UNC45B: variants seen among roughly 807,000 people sequenced by gnomAD.
UNC45B encodes the protein unc-45 myosin chaperone B.
Under a neutral mutation model 98.7 loss-of-function variants are expected in UNC45B, and 78 were observed. The ratio of observed to expected loss-of-function variants is 0.79; its 90% CI spans 0.66 to 0.95. UNC45B has a LOEUF of 0.95. UNC45B is among the 40% of genes least tolerant of loss of function. The pLI, the probability that UNC45B is intolerant of heterozygous loss-of-function variation, is 0.00. For synonymous variants in UNC45B, 462 were observed against 480.4 expected (o/e 0.96, Z 0.50); for missense variants, 1,225 against 1,184.9 (o/e 1.03, Z -0.50).
At chr17:35,166,086 TAAAA>T (rs55844448) in intron 9 of UNC45B, among the ~76,000 whole-genome samples, 21 of 58,116 alleles carry the variant, frequency 3.6e-4, no homozygotes, top group African/African-American at 6.4e-4. Context: ...CCCTCATCTC[TAAAA>T]AAAAAAAAAA....
In UNC45B at chr17:35,148,365, G is replaced by C; in HGVS notation, c.102G>C (p.Lys34Asn). Residue 34 changes from lysine (K) to asparagine (N), a missense_variant, in exon 2 of 20, where the codon AAG (lysine) becomes AAC (asparagine). Lys to Asn is a moderately conservative substitution (Grantham distance 94). Transcript: ENST00000394570. ...AATNSYSQAL[K>N]LTKDKALLAT... ...CAAATAGCTACAGCCAGGCCCTGAA[G>C]CTGACCAAGGACAAGGCCCTGCTGG... 1.2e-6 allele frequency: 2 copies of C among 1,614,150 alleles called. No individual in the cohort carries two copies. The highest frequency in any genetic ancestry group is 1.7e-6 in the Non-Finnish European group (2 of 1,180,026).
intron 18 of UNC45B, among the ~76,000 whole-genome samples, chr17:35,182,170 A>G (rs1597937365): frequency 6.6e-6 from 1 of 150,602 alleles, no homozygotes; most frequent in South Asian, 2.1e-4. Context: ...GCTCACTGCA[A>G]CCTCCGCCTC....
chr17:35,165,208 A>T (rs2092130333), intron 9 of UNC45B, among the ~76,000 whole-genome samples: 1 of 152,160 alleles, frequency 6.6e-6, no homozygotes, highest in Admixed American at 6.5e-5. Context: ...GGTTGAAAGG[A>T]ACACATGTCA....
chr17:35,182,645 A>G (rs1038447271), intron 18 of UNC45B, among the ~76,000 whole-genome samples: 1 of 152,130 alleles, frequency 6.6e-6, no homozygotes, highest in Non-Finnish European at 1.5e-5. Context: ...AGAGGGGGCC[A>G]TGCTGACCCC....
chr17:35,183,409 T>C lies in UNC45B; in HGVS notation c.2374-18T>C, dbSNP rs770498401. 3.3e-6 allele frequency: 5 copies of C among 1,527,218 alleles called. No individual in the cohort carries two copies. The South Asian group carries it at 3.9e-5, about 12-fold the overall frequency. 94.6% of individuals were successfully genotyped at this position (1,527,218 alleles called of 1,614,324 possible). A position where few individuals can be genotyped will look rare whatever the true frequency, so the allele number is the denominator to read the frequency against. On this transcript the variant is annotated intron_variant, in intron 18 of 19. Coordinates refer to ENST00000394570, the MANE Select transcript of UNC45B (RefSeq NM_001267052.2). ...ATTGGGGACAGTTTTCTCTGAGCCA[T>C]GTTCCTGCCTCCCACAGGTACAGGA... is the stretch of plus-strand genomic sequence containing the variant.
intron 13 of UNC45B, among the ~76,000 whole-genome samples, chr17:35,172,272 C>T (rs932705346): frequency 6.6e-6 from 1 of 151,992 alleles, no homozygotes; most frequent in Non-Finnish European, 1.5e-5. Context: ...TTTTTTGAGA[C>T]AGAGTCTTGC....
rs540592041 is a variant in UNC45B, at chr17:35,168,936, A to C, written c.1452+575A>C. On this transcript the variant is annotated intron_variant, in intron 10 of 19. Coordinates refer to ENST00000394570, the MANE Select transcript of UNC45B (RefSeq NM_001267052.2). ...TGGCCAGGCTGGTCCTGAACTCCTGACCTCAGGTGATCCACCCCCCTGGGC... is the reference window on the plus strand; with the variant it reads ...TGGCCAGGCTGGTCCTGAACTCCTGCCCTCAGGTGATCCACCCCCCTGGGC... Among the ~76,000 whole-genome samples the C allele has an allele frequency of 2.0e-5, 3 of 150,848 alleles. No individual in the cohort carries two copies. In the South Asian group the frequency reaches 6.3e-4, roughly 32 times the overall value.
rs1481523440 is a variant in UNC45B, at chr17:35,168,136, C to T, written c.1227C>T (p.Pro409=). Residue 409 remains proline, a synonymous_variant, in exon 10 of 20, where the codon CCC becomes CCT. Transcript: ENST00000394570. Reference sequence around the variant, plus strand: ...CAGTGTCAGGGATCCTGCAGGGCCCCTTTGACCTGGGCAACCAGCTGCTGG... The same window carrying T: ...CAGTGTCAGGGATCCTGCAGGGCCCTTTTGACCTGGGCAACCAGCTGCTGG... ...IQTVSGILQG[P]FDLGNQLLGL... The T allele has an allele frequency of 6.3e-7, 1 of 1,599,670 alleles. No homozygotes were observed. The highest frequency in any genetic ancestry group is 1.1e-5 in the South Asian group (1 of 89,056).
intron 4 of UNC45B, 119 bp downstream of exon 4, chr17:35,150,342 A>G: frequency 8.9e-7 from 1 of 1,125,274 alleles, no homozygotes; most frequent in South Asian, 1.9e-5. Flanking sequence ...ACACTCTGAG[A>G]TAGAGACAGC....
chr17:35,162,201 A>C (rs907923745), intron 8 of UNC45B, among the ~76,000 whole-genome samples: 32 of 152,274 alleles, frequency 2.1e-4, no homozygotes, highest in Admixed American at 1.9e-3. Context: ...TCTGATTTAT[A>C]GTTGGCCAGT....
At chr17:35,180,304 A>G (rs532414115) in intron 17 of UNC45B, among the ~76,000 whole-genome samples, 18 of 146,446 alleles carry the variant, frequency 1.2e-4, no homozygotes, top group African/African-American at 4.0e-4. Context: ...CTTTACTGCA[A>G]TAATACAGAG....
chr17:35,167,872 T>G (rs946467661), intron 9 of UNC45B, among the ~76,000 whole-genome samples, 189 bp from the exon 10 acceptor site: 3 of 152,178 alleles, frequency 2.0e-5, no homozygotes, highest in African/African-American at 7.2e-5. Flanking sequence ...ACCACAACTC[T>G]GAGAACTAGT....
chr17:35,154,654 A>C lies in UNC45B; in HGVS notation c.552A>C (p.Leu184=). ...TCCAGAACAATGGAGTAGCCTTGCT[A>C]CTGCAGCTTCTGGACACTAAGAAGC... ...KIFQNNGVAL[L]LQLLDTKKPE... is the part of the protein sequence containing the mutation. Residue 184 remains leucine, a synonymous_variant, in exon 6 of 20, where the codon CTA becomes CTC. Coordinates refer to ENST00000394570, the MANE Select transcript of UNC45B (RefSeq NM_001267052.2). 1.2e-6 allele frequency: 2 copies of C among 1,613,478 alleles called. No individual in the cohort carries two copies. Among genetic ancestry groups the C allele is most frequent in the Non-Finnish European group, 1.7e-6 (2 of 1,179,860 alleles).
At chr17:35,181,298 A>T (rs1221849847) in intron 18 of UNC45B, among the ~76,000 whole-genome samples, 1 of 152,200 alleles carries the variant, frequency 6.6e-6, no homozygotes, top group African/African-American at 2.4e-5. Flanking sequence ...ATCCTGTCAG[A>T]GTACTGCTGT....
At chr17:35,165,444 TGGGGTGTG>T (rs1768324448) in intron 9 of UNC45B, among the ~76,000 whole-genome samples, 2 of 152,218 alleles carry the variant, frequency 1.3e-5, no homozygotes, top group Admixed American at 1.3e-4. Context: ...CTCGGTAGTT[TGGGGTGTG>T]GCTCAGGAAG....
chr17:35,158,856 T>C (rs928275594), intron 7 of UNC45B, among the ~76,000 whole-genome samples: 2 of 152,192 alleles, frequency 1.3e-5, no homozygotes, highest in African/African-American at 4.8e-5. Context: ...AACAAAAATC[T>C]CTAAGTATCT....
intron 7 of UNC45B, among the ~76,000 whole-genome samples, chr17:35,158,365 G>T (rs1487815225): frequency 2.0e-5 from 3 of 152,156 alleles, no homozygotes; most frequent in Non-Finnish European, 2.9e-5. Flanking sequence ...GCCAGCTTGG[G>T]TTTCTATAGA....
chr17:35,155,713 G>T (rs2092056082), intron 7 of UNC45B, among the ~76,000 whole-genome samples: 2 of 152,068 alleles, frequency 1.3e-5, no homozygotes, highest in Admixed American at 1.3e-4. Context: ...GGGACTACAG[G>T]CACACACCAT....
intron 13 of UNC45B, 49 bp downstream of exon 13, chr17:35,171,511 TCCAAAGGAGG>T: frequency 1.3e-6 from 2 of 1,590,690 alleles, no homozygotes; most frequent in Non-Finnish European, 1.7e-6. Context: ...CCACTAGGCC[TCCAAAGGAGG>T]CGGAACGGCA....
Sources: allele counts gnomAD v4.1 joint callset (sites outside exome capture counted in the v4.1 genomes callset), GRCh38; gene constraint gnomAD v4.1.1; transcripts MANE v1.5; gene names NCBI Gene and HGNC (gene_info 2026-07-23, HGNC 2026-07-21).